UBE2E3: variants seen among roughly 807,000 people sequenced by gnomAD.
UBE2E3 encodes ubiquitin-conjugating enzyme E2 E3.
In UBE2E3, 5 loss-of-function variants were observed where a neutral mutation model predicts 23.6. That is an observed-to-expected ratio of 0.21 (90% CI 0.11 to 0.44). The LOEUF (loss-of-function observed/expected upper bound fraction) is 0.44, where lower values mean the gene tolerates loss of function less well. Ranked by LOEUF, UBE2E3 falls within the 20% of genes least tolerant of loss-of-function variation. The pLI is 0.99. For synonymous variants in UBE2E3, 78 were observed against 87.5 expected (o/e 0.89, Z 0.60); for missense variants, 81 against 249.8 (o/e 0.32, Z 4.55).
rs1273284038 is a variant in UBE2E3, at chr2:181,041,232, CTCAA to C, written c.246-16460_246-16457del. 4.4e-4 allele frequency among the ~76,000 whole-genome samples: 14 copies of C among 31,896 alleles called. No individual in the cohort carries two copies. The South Asian group carries it at 4.8e-3, about 11-fold the overall frequency. 20.9% of individuals were successfully genotyped at this position (31,896 alleles called of 152,430 possible). A position where few individuals can be genotyped will look rare whatever the true frequency, so the allele number is the denominator to read the frequency against. On this transcript the variant is annotated intron_variant, in intron 3 of 5. Coordinates refer to ENST00000410062, the MANE Select transcript of UBE2E3 (RefSeq NM_006357.4). The stretch of plus-strand genomic sequence containing the variant: ...CACTAACGACAGAGCAAGACTCCGT[CTCAA>C]AAAAAAAAAAAAAAAAAGATAGATT...
rs988925642 is a variant in UBE2E3 at position 181,061,209 on chromosome 2, G to A, written c.526+397G>A. Reference sequence around the variant, plus strand: ...GCAATCTCGGCTCACTGCAAGCTCCGCTTCCCGGGTTCACGCCATTCTCCT... The same window carrying A: ...GCAATCTCGGCTCACTGCAAGCTCCACTTCCCGGGTTCACGCCATTCTCCT... On this transcript the variant is annotated intron_variant, in intron 5 of 5. Coordinates refer to ENST00000410062, the MANE Select transcript of UBE2E3 (RefSeq NM_006357.4). 1.6e-4 allele frequency among the ~76,000 whole-genome samples: 2 copies of A among 12,356 alleles called. 1 individual carries two copies. Among genetic ancestry groups the A allele is most frequent in the Non-Finnish European group, 2.6e-4 (2 of 7,684 alleles). The allele number at this position is 12,356 out of a possible 152,430, so 8.1% of individuals were successfully genotyped here. A position where few individuals can be genotyped will look rare whatever the true frequency, so the allele number is the denominator to read the frequency against.
intron 3 of UBE2E3, among the ~76,000 whole-genome samples, chr2:181,044,009 T>C (rs12612278): frequency 6.6e-6 from 1 of 152,170 alleles, no homozygotes; most frequent in Non-Finnish European, 1.5e-5. Flanking sequence ...TCTCTGTTTT[T>C]TGTCCTAGGA....
chr2:181,013,545 A>G (rs1685395549), intron 3 of UBE2E3, among the ~76,000 whole-genome samples: 1 of 151,212 alleles, frequency 6.6e-6, no homozygotes, highest in Admixed American at 6.6e-5. Flanking sequence ...GTTCTCATAA[A>G]AGGGCAGTTA....
intron 3 of UBE2E3, among the ~76,000 whole-genome samples, chr2:180,988,849 G>C (rs1320093479): frequency 1.3e-5 from 2 of 151,716 alleles, no homozygotes; most frequent in African/African-American, 4.8e-5. Flanking sequence ...TTTTGTTTTA[G>C]TGTTTGCTAC....
At chr2:180,997,452 T>C (rs1030902432) in intron 3 of UBE2E3, among the ~76,000 whole-genome samples, 1 of 152,128 alleles carries the variant, frequency 6.6e-6, no homozygotes, top group African/African-American at 2.4e-5. Context: ...GTACTTGAAA[T>C]GTGTCTTCTT....
chr2:180,983,622 C>T (rs1684368293), intron 2 of UBE2E3, among the ~76,000 whole-genome samples: 1 of 152,134 alleles, frequency 6.6e-6, no homozygotes. Flanking sequence ...TGTGCTCTTG[C>T]AGTAGCCTGT....
At chr2:181,018,482 C>T (rs930817747) in intron 3 of UBE2E3, among the ~76,000 whole-genome samples, 13 of 151,756 alleles carry the variant, frequency 8.6e-5, no homozygotes, top group African/African-American at 2.2e-4. Context: ...ATCTACCTTT[C>T]AGTGCAGTTA....
chr2:181,013,699 G>A (rs1038275842), intron 3 of UBE2E3, among the ~76,000 whole-genome samples: 3 of 152,174 alleles, frequency 2.0e-5, no homozygotes, highest in African/African-American at 7.2e-5. Flanking sequence ...TCATGGGTGT[G>A]TATATGTGTG....
In UBE2E3 at chr2:180,980,879, C is replaced by A. The variant is rs1037111120; in HGVS notation, c.-120C>A. 2 of 149,932 alleles carry A rather than the reference C, an allele frequency of 1.3e-5. No homozygotes were observed. The highest frequency in any genetic ancestry group is 2.4e-5 in the African/African-American group (1 of 41,184). 9.3% of individuals were successfully genotyped at this position (149,932 alleles called of 1,614,324 possible). A position where few individuals can be genotyped will look rare whatever the true frequency, so the allele number is the denominator to read the frequency against. ...TTTTTCCCTCCCCCCCCTTCCCCCC[C>A]CCACAGCTGCCTCCATTTCCTTAAG... On this transcript the variant is annotated 5_prime_UTR_variant, in exon 1 of 6. Coordinates refer to ENST00000410062, the MANE Select transcript of UBE2E3 (RefSeq NM_006357.4). The surrounding 1 kb of genome is among the most constrained non-coding windows in gnomAD (Gnocchi z 5.5).
chr2:181,046,628 A>C (rs953880741), intron 3 of UBE2E3, among the ~76,000 whole-genome samples: 1 of 152,172 alleles, frequency 6.6e-6, no homozygotes, highest in African/African-American at 2.4e-5. Context: ...TAAACTGTAC[A>C]GTGTGCAAAG....
rs1269424166 is a variant in UBE2E3, at chr2:181,021,656, CTTCCTTCCTTCT to C, written c.246-36025_246-36014del. ...TTTTCCTTCCTTCCTTCCTTCCTTC[CTTCCTTCCTTCT>C]TTCCTTCCTTCCCAACTTTTCTTTT... On this transcript the variant is annotated intron_variant, in intron 3 of 5. Transcript: ENST00000410062. Among the ~76,000 whole-genome samples, 17 of 134,036 alleles carry C rather than the reference CTTCCTTCCTTCT, an allele frequency of 1.3e-4. 1 individual carries two copies. The highest frequency in any genetic ancestry group is 4.0e-4 in the African/African-American group (14 of 34,698). 87.9% of individuals were successfully genotyped at this position (134,036 alleles called of 152,430 possible).
intron 3 of UBE2E3, among the ~76,000 whole-genome samples, chr2:181,014,999 G>A (rs1389123886): frequency 6.6e-6 from 1 of 152,276 alleles, no homozygotes; most frequent in East Asian, 1.9e-4. Context: ...GCCTGATGAA[G>A]CAGCCCTTAA....
chr2:181,040,324 T>C (rs1194658245), intron 3 of UBE2E3, among the ~76,000 whole-genome samples: 1 of 152,238 alleles, frequency 6.6e-6, no homozygotes, highest in African/African-American at 2.4e-5. Flanking sequence ...CTGTATTGCA[T>C]TTAGCCTTTT....
At chr2:181,020,800 T>C (rs945052488) in intron 3 of UBE2E3, among the ~76,000 whole-genome samples, 5 of 152,198 alleles carry the variant, frequency 3.3e-5, no homozygotes, top group Non-Finnish European at 7.4e-5. Flanking sequence ...TCATAAAAAA[T>C]AGACAACTTG....
chr2:180,999,833 A>G (rs906939729), intron 3 of UBE2E3, among the ~76,000 whole-genome samples: 2 of 152,212 alleles, frequency 1.3e-5, no homozygotes, highest in African/African-American at 2.4e-5. Flanking sequence ...CTGTTTCATC[A>G]TTCTTAAGTG....
intron 3 of UBE2E3, among the ~76,000 whole-genome samples, chr2:181,027,206 C>A (rs909470176): frequency 4.0e-5 from 6 of 151,772 alleles, no homozygotes; most frequent in African/African-American, 1.2e-4. Context: ...GGATTTGTAA[C>A]GTATATATGT....
At position 181,028,607 on chromosome 2, in the gene UBE2E3, ATAGTAT is replaced by A. The variant is rs1452039997; in HGVS notation, c.246-29084_246-29079del. Among the ~76,000 whole-genome samples, 8 of 151,878 alleles carry A rather than the reference ATAGTAT, an allele frequency of 5.3e-5. No homozygotes were observed. The East Asian group carries it at 1.6e-3, about 29-fold the overall frequency. Reference sequence around the variant, plus strand: ...TTTTTCCTAATCTATGGGTATAAAAATAGTATTTCATCATGGTTTTAATTTGCATTT... The same window carrying A: ...TTTTTCCTAATCTATGGGTATAAAAATTCATCATGGTTTTAATTTGCATTT... On this transcript the variant is annotated intron_variant, in intron 3 of 5. Transcript: ENST00000410062.
At chr2:180,981,975 G>T (rs1014485379) in intron 1 of UBE2E3, 43 bp from the exon 2 acceptor site, 2 of 1,409,242 alleles carry the variant, frequency 1.4e-6, no homozygotes, top group Non-Finnish European at 1.9e-6. Context: ...TTATTTCCTA[G>T]ATTTAACATT....
intron 3 of UBE2E3, among the ~76,000 whole-genome samples, chr2:181,016,614 G>A (rs1228024306): frequency 6.6e-6 from 1 of 152,156 alleles, no homozygotes; most frequent in Non-Finnish European, 1.5e-5. Flanking sequence ...GCTCAAGTCT[G>A]TTGACCCCCA....
Sources: gnomAD v4.1 joint callset for allele counts (sites outside exome capture counted in the v4.1 genomes callset) on GRCh38, gnomAD v4.1.1 for gene constraint, Gnocchi (gnomAD v3.1) non-coding constraint, MANE v1.5 for transcripts, NCBI Gene and HGNC (gene_info 2026-07-23, HGNC 2026-07-21) for gene names.